Variants in HS1BP3 observed in about 807,000 individuals in gnomAD.
HS1BP3 encodes the protein HCLS1 binding protein 3, also known as HCLS1-binding protein 3.
Under a neutral mutation model 33.5 loss-of-function variants are expected in HS1BP3, and 32 were observed. The observed-to-expected ratio is 0.95, with a 90% CI of 0.72 to 1.28. The LOEUF (loss-of-function observed/expected upper bound fraction) is 1.28, where lower values mean the gene tolerates loss of function less well. HS1BP3 is among the 50% of genes most tolerant of loss of function. The probability of loss-of-function intolerance (pLI) is 0.00; values close to 1 mark genes in which losing one functional copy is unlikely to be tolerated. For synonymous variants in HS1BP3, 187 were observed against 209.2 expected (o/e 0.89, Z 0.92); for missense variants, 486 against 502.3 (o/e 0.97, Z 0.31).
At chr2:20,615,256 G>T (rs1694399854), downstream of HS1BP3, among the ~76,000 whole-genome samples, 1 of 152,266 alleles carries the variant, frequency 6.6e-6, no homozygotes, top group African/African-American at 2.4e-5. Flanking sequence ...ATATCACACA[G>T]CCAAGCTGGA....
chr2:20,624,654 G>A lies in HS1BP3; in HGVS notation c.784+78C>T, dbSNP rs577268503. ...GAGATATATGGGTCCTATTCACGCC[G>A]GGTGAGTCCAGACCCTGCCTGGTGA... On this transcript the variant is annotated intron_variant, in intron 5 of 6. Coordinates refer to ENST00000304031, the MANE Select transcript of HS1BP3 (RefSeq NM_022460.4). 71 of 1,376,234 alleles carry A rather than the reference G, an allele frequency of 5.2e-5. No individual in the cohort carries two copies. In the South Asian group the frequency reaches 7.6e-4, roughly 15 times the overall value. 85.3% of individuals were successfully genotyped at this position (1,376,234 alleles called of 1,614,324 possible). A position where few individuals can be genotyped will look rare whatever the true frequency, so the allele number is the denominator to read the frequency against.
chr2:20,622,099 G>C lies in HS1BP3; in HGVS notation c.920+1797C>G, dbSNP rs957341291. 3 of 920,156 alleles carry C rather than the reference G, an allele frequency of 3.3e-6. No homozygotes were observed. In the African/African-American group the frequency reaches 5.9e-5, roughly 18 times the overall value. The allele number at this position is 920,156 out of a possible 1,614,324, so 57.0% of individuals were successfully genotyped here. Reference sequence around the variant, plus strand: ...GAAGGAACAAAGCCTTCTTAGCCTCGACCCGCTCAGTGTACACCCCACGCG... The same window carrying C: ...GAAGGAACAAAGCCTTCTTAGCCTCCACCCGCTCAGTGTACACCCCACGCG... On this transcript the variant is annotated intron_variant, in intron 6 of 6. Coordinates refer to ENST00000304031, the MANE Select transcript of HS1BP3 (RefSeq NM_022460.4).
intron 5 of HS1BP3, among the ~76,000 whole-genome samples, chr2:20,575,142 T>C (rs1693369210): frequency 6.6e-6 from 1 of 152,248 alleles, no homozygotes; most frequent in Non-Finnish European, 1.5e-5. Context: ...TGTTGGGCAT[T>C]TGTTTGGATT....
intron 4 of HS1BP3, among the ~76,000 whole-genome samples, chr2:20,625,755 A>G (rs1694760881): frequency 6.6e-6 from 1 of 152,140 alleles, no homozygotes; most frequent in South Asian, 2.1e-4. Context: ...ACGGGGCAGG[A>G]TGGAAGCTTC....
rs971069812 is a variant in HS1BP3, at chr2:20,573,855, G to T, written c.303-13340C>A. ...CAGACTCCTTGTGAGACACAACACC[G>T]CCATCCCCACCAGGACAAGGAGGGC... On this transcript the variant is annotated intron_variant, in intron 5 of 5. Coordinates refer to the HS1BP3 transcript ENST00000446825. Among the ~76,000 whole-genome samples, 4 of 152,162 alleles carry T rather than the reference G, an allele frequency of 2.6e-5. No individual in the cohort carries two copies. The South Asian group carries it at 8.3e-4, about 32-fold the overall frequency.
intron 3 of HS1BP3, among the ~76,000 whole-genome samples, chr2:20,596,958 C>T (rs1217305099): frequency 6.6e-6 from 1 of 152,176 alleles, no homozygotes; most frequent in Non-Finnish European, 1.5e-5. Flanking sequence ...AGGATTTGGG[C>T]AACTTGAATG....
chr2:20,586,092 A>G (rs62124232), intron 5 of HS1BP3, among the ~76,000 whole-genome samples: 11,833 of 152,274 alleles, frequency 0.078, 632 homozygotes, highest in African/African-American at 0.15. Context: ...CAGTGTCCTC[A>G]TGGCGAGATG....
chr2:20,588,124 TAA>T (rs140336617), downstream of HS1BP3, among the ~76,000 whole-genome samples: 25 of 138,714 alleles, frequency 1.8e-4, no homozygotes, highest in South Asian at 2.3e-4. Context: ...TCCAAGATGT[TAA>T]AAAAAAAAAA....
At chr2:20,583,373 G>A (rs1252785701) in intron 5 of HS1BP3, among the ~76,000 whole-genome samples, 1 of 135,528 alleles carries the variant, frequency 7.4e-6, no homozygotes. Context: ...TTCTCACTAT[G>A]GGGGCAGCTT....
intron 2 of HS1BP3, among the ~76,000 whole-genome samples, chr2:20,604,351 C>T (rs1694129206): frequency 6.6e-6 from 1 of 152,182 alleles, no homozygotes; most frequent in African/African-American, 2.4e-5. Context: ...GAATAAGGAG[C>T]CTGCTTTTAA....
intron 5 of HS1BP3, among the ~76,000 whole-genome samples, chr2:20,583,790 G>A (rs1196743111): frequency 6.6e-6 from 1 of 152,172 alleles, no homozygotes; most frequent in African/African-American, 2.4e-5. Context: ...CCTGGGGCTC[G>A]GTCCTGCCAG....
At chr2:20,626,203 C>T (rs549446238) in intron 4 of HS1BP3, among the ~76,000 whole-genome samples, 1 of 152,146 alleles carries the variant, frequency 6.6e-6, no homozygotes, top group Non-Finnish European at 1.5e-5. Flanking sequence ...CAGGTCCCCG[C>T]AAGGTGACCA....
At chr2:20,605,995 C>A (rs926666369) in intron 2 of HS1BP3, among the ~76,000 whole-genome samples, 7 of 152,078 alleles carry the variant, frequency 4.6e-5, no homozygotes, top group African/African-American at 1.7e-4. Flanking sequence ...TACAGTAATT[C>A]TATTTTACTT....
chr2:20,638,638 C>T lies in HS1BP3; in HGVS notation c.421G>A (p.Gly141Arg). ...LLEFLGTRSP[G>R]AAGLTSRDSS... ...TCTCTGCTGGTGAGCCCTGCAGCCC[C>T]TGGGGATCTGGTACCTGTGGAGGAA... Residue 141 changes from glycine (G) to arginine (R), a missense_variant, in exon 4 of 7, where the codon GGG (glycine) becomes AGG (arginine). By Grantham distance (125) the Gly-to-Arg change is moderately radical. Coordinates refer to ENST00000304031, the MANE Select transcript of HS1BP3 (RefSeq NM_022460.4). 1 of 1,613,694 alleles carries T rather than the reference C, an allele frequency of 6.2e-7. No homozygotes were observed. Among genetic ancestry groups the T allele is most frequent in the Non-Finnish European group, 8.5e-7 (1 of 1,179,746 alleles).
intron 5 of HS1BP3, among the ~76,000 whole-genome samples, chr2:20,565,637 C>T (rs1026947267): frequency 1.3e-5 from 2 of 152,250 alleles, no homozygotes; most frequent in Non-Finnish European, 2.9e-5. Context: ...AGTCAGCACA[C>T]CCTGCAACTA....
At chr2:20,583,817 C>T (rs992546523) in intron 5 of HS1BP3, among the ~76,000 whole-genome samples, 1 of 152,192 alleles carries the variant, frequency 6.6e-6, no homozygotes, top group African/African-American at 2.4e-5. Context: ...GTGGACCGTG[C>T]TGTCAGGGTC....
intron 6 of HS1BP3, 82 bp downstream of exon 6, chr2:20,623,814 G>A (rs750854505): frequency 6.9e-7 from 1 of 1,457,616 alleles, no homozygotes. Flanking sequence ...GGCTGGGGCT[G>A]AGACTGGGCA....
chr2:20,608,014 T>A (rs1310626067), intron 2 of HS1BP3, among the ~76,000 whole-genome samples: 1 of 152,250 alleles, frequency 6.6e-6, no homozygotes, highest in Non-Finnish European at 1.5e-5. Context: ...TTTGGTGCTA[T>A]TGTAAATTGA....
At chr2:20,584,748 G>A (rs867854650) in intron 5 of HS1BP3, among the ~76,000 whole-genome samples, 4 of 152,324 alleles carry the variant, frequency 2.6e-5, no homozygotes, top group Non-Finnish European at 2.9e-5. Flanking sequence ...GCTCAGGAAT[G>A]TGTTTATGCT....
Sources: allele counts gnomAD v4.1 joint callset (sites outside exome capture counted in the v4.1 genomes callset), GRCh38; gene constraint gnomAD v4.1.1; transcripts MANE v1.5; gene names NCBI Gene and HGNC (gene_info 2026-07-23, HGNC 2026-07-21).